Variants in RBFOX1 observed in about 807,000 individuals in gnomAD.
RBFOX1 encodes RNA binding protein fox-1 homolog 1.
Under a neutral mutation model 57.7 loss-of-function variants are expected in RBFOX1, and 8 were observed. The observed-to-expected ratio is 0.14, with a 90% CI of 0.08 to 0.25. The LOEUF is 0.25. Ranked by LOEUF, RBFOX1 falls within the 10% of genes least tolerant of loss-of-function variation. RBFOX1 has a pLI of 1.00. For missense variants in RBFOX1, 611 were observed against 548.5 expected (o/e 1.11, Z -1.14); for synonymous variants, 326 against 222.4 (o/e 1.47, Z -4.15).
chr16:5,518,732 A>C (rs771316480), intron 2 of RBFOX1, among the ~76,000 whole-genome samples: 5 of 152,174 alleles, frequency 3.3e-5, no homozygotes, highest in Non-Finnish European at 7.3e-5. Context: ...TCAACTGTGA[A>C]GCGAAGGTCC....
chr16:7,076,716 T>C (rs1174424337), intron 4 of RBFOX1, among the ~76,000 whole-genome samples: 3 of 152,216 alleles, frequency 2.0e-5, no homozygotes, highest in Non-Finnish European at 4.4e-5. Context: ...TTCCCATTTC[T>C]AACCAAGATG....
rs928836286 is a variant in RBFOX1 at position 5,642,987 on chromosome 16, C to T, written c.318+44026C>T. 3.9e-5 allele frequency among the ~76,000 whole-genome samples: 6 copies of T among 152,212 alleles called. No individual in the cohort carries two copies. In the South Asian group the frequency reaches 8.3e-4, roughly 21 times the overall value. ...AGGGCTGGCCTAATCCACCGCCTCT[C>T]CTGAGCACGACTTCCTGGAGCCCTT... is the stretch of plus-strand genomic sequence containing the variant. On this transcript the variant is annotated intron_variant, in intron 3 of 19. Transcript: ENST00000641259.
At chr16:5,845,053 C>A (rs963519253) in intron 3 of RBFOX1, among the ~76,000 whole-genome samples, 1 of 138,874 alleles carries the variant, frequency 7.2e-6, no homozygotes, top group Non-Finnish European at 1.5e-5. Flanking sequence ...AGCTAATTAC[C>A]CGAGATTCTT....
intron 3 of RBFOX1, among the ~76,000 whole-genome samples, chr16:7,020,132 G>A (rs914817840): frequency 7.2e-5 from 11 of 152,002 alleles, no homozygotes; most frequent in Admixed American, 6.6e-4. Context: ...TCTCAGGCCA[G>A]GTGCGGCGTA....
chr16:7,524,628 G>A (rs1439642952), intron 5 of RBFOX1, among the ~76,000 whole-genome samples: 1 of 152,194 alleles, frequency 6.6e-6, no homozygotes, highest in Non-Finnish European at 1.5e-5. Flanking sequence ...GCCCTGATTG[G>A]AGAAGGAATG....
chr16:7,125,943 C>A (rs528225880), intron 4 of RBFOX1, among the ~76,000 whole-genome samples: 7 of 152,050 alleles, frequency 4.6e-5, no homozygotes, highest in Admixed American at 1.3e-4. Flanking sequence ...ATTACCTGTG[C>A]GTGGTGGCAC....
chr16:6,207,712 G>A (rs769976228), intron 1 of RBFOX1, among the ~76,000 whole-genome samples: 1 of 151,974 alleles, frequency 6.6e-6, no homozygotes, highest in African/African-American at 2.4e-5. Context: ...TTTTGAGACA[G>A]GGCCTCACTC....
At chr16:6,929,689 A>G (rs118148611) in intron 3 of RBFOX1, among the ~76,000 whole-genome samples, 2,487 of 150,738 alleles carry the variant, frequency 0.016, 27 homozygotes, top group Middle Eastern at 0.051. Flanking sequence ...GTGTTAGAGA[A>G]TGTGTTACTA....
chr16:7,258,865 G>T (rs1303684174), intron 4 of RBFOX1, among the ~76,000 whole-genome samples: 1 of 152,096 alleles, frequency 6.6e-6, no homozygotes. Flanking sequence ...AATTATTAGG[G>T]CTCCTGGGAA....
At chr16:7,046,590 C>G (rs961785060) in intron 3 of RBFOX1, among the ~76,000 whole-genome samples, 3 of 133,192 alleles carry the variant, frequency 2.3e-5, no homozygotes, top group South Asian at 2.5e-4. Context: ...TTTCTGTAGT[C>G]TTTGTGTTTT....
At chr16:6,774,682 C>T (rs540211904) in intron 3 of RBFOX1, among the ~76,000 whole-genome samples, 15 of 152,082 alleles carry the variant, frequency 9.9e-5, no homozygotes, top group Admixed American at 7.9e-4. Flanking sequence ...AGTAAATTAG[C>T]ATTAGCATTA....
intron 3 of RBFOX1, among the ~76,000 whole-genome samples, chr16:6,710,239 G>C (rs1384992699): frequency 6.6e-6 from 1 of 152,108 alleles, no homozygotes; most frequent in African/African-American, 2.4e-5. Context: ...ACTTCTCAAA[G>C]CCAAATTGTT....
At chr16:6,474,668 G>A (rs1008174907) in intron 2 of RBFOX1, among the ~76,000 whole-genome samples, 2 of 152,100 alleles carry the variant, frequency 1.3e-5, no homozygotes, top group African/African-American at 2.4e-5. Flanking sequence ...CCAGGGAAAC[G>A]GTTATTGAAA....
At chr16:6,119,356 G>A (rs1023082077) in intron 1 of RBFOX1, among the ~76,000 whole-genome samples, 3 of 152,154 alleles carry the variant, frequency 2.0e-5, no homozygotes, top group Non-Finnish European at 4.4e-5. Context: ...TGTGTCCTTA[G>A]CAGATCACAA....
chr16:7,218,528 C>G (rs1394315480), intron 4 of RBFOX1, among the ~76,000 whole-genome samples: 1 of 151,916 alleles, frequency 6.6e-6, no homozygotes, highest in East Asian at 1.9e-4. Flanking sequence ...ACTCTTTTAC[C>G]AGCATTCACA....
intron 4 of RBFOX1, among the ~76,000 whole-genome samples, chr16:7,080,058 AT>A (rs1412828137): frequency 2.2e-4 from 30 of 135,980 alleles, no homozygotes; most frequent in South Asian, 1.3e-3. Context: ...ATATATACAT[AT>A]TATATATATA....
At chr16:6,964,264 C>T (rs2083621853) in intron 3 of RBFOX1, among the ~76,000 whole-genome samples, 1 of 152,102 alleles carries the variant, frequency 6.6e-6, no homozygotes, top group South Asian at 2.1e-4. Flanking sequence ...AGTGATGCAC[C>T]CCCCTCGACC....
At chr16:5,354,116 C>G (rs1002182258) in intron 1 of RBFOX1, among the ~76,000 whole-genome samples, 4 of 152,170 alleles carry the variant, frequency 2.6e-5, no homozygotes, top group African/African-American at 9.6e-5. Context: ...ATCCCCTCCT[C>G]CATCTGAGCT....
chr16:5,857,212 A>T (rs2057093496), intron 3 of RBFOX1, among the ~76,000 whole-genome samples: 1 of 152,172 alleles, frequency 6.6e-6, no homozygotes, highest in Non-Finnish European at 1.5e-5. Context: ...TTTGCGAAAT[A>T]GTCAGAACAC....
Sources: gnomAD v4.1 joint callset for allele counts (sites outside exome capture counted in the v4.1 genomes callset) on GRCh38, gnomAD v4.1.1 for gene constraint, MANE v1.5 for transcripts, NCBI Gene and HGNC (gene_info 2026-07-23, HGNC 2026-07-21) for gene names.